ADIPOR2: variants seen among roughly 807,000 people sequenced by gnomAD.
ADIPOR2 encodes the protein adiponectin receptor protein 2.
ADIPOR2 carries 18 observed loss-of-function variants against 40.9 expected under a neutral mutation model. That is an observed-to-expected ratio of 0.44 (90% CI 0.30 to 0.65). The LOEUF is 0.65. Ranked by LOEUF, ADIPOR2 falls within the 30% of genes least tolerant of loss-of-function variation. The pLI, the probability that ADIPOR2 is intolerant of heterozygous loss-of-function variation, is 0.09. For synonymous variants in ADIPOR2, 165 were observed against 166.4 expected, an observed-to-expected ratio of 0.99 and a Z score of 0.06; for missense variants, 283 against 479.2, an observed-to-expected ratio of 0.59 and a Z score of 3.82.
chr12:1,718,252 T>C (rs1254420163), intron 1 of ADIPOR2, among the ~76,000 whole-genome samples: 2 of 152,158 alleles, frequency 1.3e-5, no homozygotes, highest in Admixed American at 6.6e-5. Context: ...GTGACTCTTA[T>C]TTTAATCTGA....
chr12:1,695,983 A>T (rs1386267228), intron 1 of ADIPOR2: 1 of 152,174 alleles, frequency 6.6e-6, no homozygotes. Flanking sequence ...TTATCTCTGG[A>T]TTTGGAAAAT....
intron 2 of ADIPOR2, 113 bp from the exon 3 acceptor site, chr12:1,772,729 A>G: frequency 7.6e-7 from 1 of 1,322,494 alleles, no homozygotes; most frequent in Non-Finnish European, 1.0e-6. Context: ...ATTCTTGTCT[A>G]AGGCCTTGTT....
intron 3 of ADIPOR2, among the ~76,000 whole-genome samples, chr12:1,777,058 C>T (rs896329992): frequency 4.6e-5 from 7 of 151,958 alleles, no homozygotes; most frequent in Admixed American, 1.3e-4. Flanking sequence ...ATCATATTTG[C>T]ATAGTGGGAA....
chr12:1,770,346 T>C (rs1313918167), intron 2 of ADIPOR2, among the ~76,000 whole-genome samples: 2 of 152,242 alleles, frequency 1.3e-5, no homozygotes, highest in Non-Finnish European at 2.9e-5. Flanking sequence ...TATGTACATA[T>C]CTGTAGTTTT....
chr12:1,710,807 G>C (rs1436827476), intron 1 of ADIPOR2, among the ~76,000 whole-genome samples: 3 of 152,092 alleles, frequency 2.0e-5, no homozygotes, highest in African/African-American at 7.3e-5. Context: ...AGGGGTCCTT[G>C]GTAGAAGTTG....
At chr12:1,740,080 C>T (rs568190035) in intron 1 of ADIPOR2, among the ~76,000 whole-genome samples, 108 of 151,432 alleles carry the variant, frequency 7.1e-4, no homozygotes, top group Non-Finnish European at 1.1e-3. Context: ...CCAGCCTGGG[C>T]GACAAGAGCG....
At position 1,711,613 on chromosome 12, in the gene ADIPOR2, C is replaced by CCT. The variant is rs3052417; in HGVS notation, c.-87+20449_-87+20450dup. Among the ~76,000 whole-genome samples the CCT allele has an allele frequency of 1.6e-4, 24 of 149,876 alleles. 1 individual carries two copies. Among genetic ancestry groups the CCT allele is most frequent in the African/African-American group, 5.7e-4 (23 of 40,194 alleles). On this transcript the variant is annotated intron_variant, in intron 1 of 7. Transcript: ENST00000357103. Reference sequence around the variant, plus strand: ...ATCTCTGTGTCTCTCTTTGTCTCTTCCTCTCTCTCTCTCTCTCTCTCTCTC... The same window carrying CCT: ...ATCTCTGTGTCTCTCTTTGTCTCTTCCTCTCTCTCTCTCTCTCTCTCTCTCTC...
intron 1 of ADIPOR2, among the ~76,000 whole-genome samples, chr12:1,709,766 A>G (rs1386102417): frequency 6.6e-6 from 1 of 152,216 alleles, no homozygotes; most frequent in Non-Finnish European, 1.5e-5. Context: ...ATTTTAAAGT[A>G]GAAAGTGCTT....
chr12:1,724,569 A>T (rs1343259004), intron 1 of ADIPOR2, among the ~76,000 whole-genome samples: 1 of 152,196 alleles, frequency 6.6e-6, no homozygotes, highest in Non-Finnish European at 1.5e-5. Context: ...AGATGGTTGT[A>T]AGGGTCACAC....
intron 7 of ADIPOR2, among the ~76,000 whole-genome samples, chr12:1,784,689 C>G (rs1862793390): frequency 6.6e-6 from 1 of 151,948 alleles, no homozygotes; most frequent in African/African-American, 2.4e-5. Context: ...CTGGATTGAA[C>G]TGGATTGTGG....
intron 1 of ADIPOR2, among the ~76,000 whole-genome samples, chr12:1,707,489 G>A: frequency 6.7e-6 from 1 of 149,330 alleles, no homozygotes. Context: ...TTTGTTTTTT[G>A]TTGTGAGACA....
chr12:1,783,150 T>TA (rs1404790467), intron 6 of ADIPOR2, among the ~76,000 whole-genome samples: 1 of 151,328 alleles, frequency 6.6e-6, no homozygotes, highest in African/African-American at 2.4e-5. Flanking sequence ...AGATTCCTAT[T>TA]AAAAATAGGT....
Position 1,780,982 on chromosome 12 carries a change from C to T in ADIPOR2, c.744C>T (p.Ile248=). 2 of 1,613,836 alleles carry T rather than the reference C, an allele frequency of 1.2e-6. No homozygotes were observed. Among genetic ancestry groups the T allele is most frequent in the Non-Finnish European group, 1.7e-6 (2 of 1,179,872 alleles). Reference sequence around the variant, plus strand: ...ACTGTAATCCACAACCTTGCTTCATCTACTTGATTGTCATCTGTGTGCTGG... The same window carrying T: ...ACTGTAATCCACAACCTTGCTTCATTTACTTGATTGTCATCTGTGTGCTGG... ...SFYCNPQPCF[I]YLIVICVLGI... is the part of the protein sequence containing the mutation. The change falls in exon 6 of 8, where the codon ATC becomes ATT. Residue 248 remains isoleucine (I), a synonymous_variant. Transcript: ENST00000357103.
chr12:1,699,603 A>G (rs1473999065), intron 1 of ADIPOR2, among the ~76,000 whole-genome samples: 1 of 152,242 alleles, frequency 6.6e-6, no homozygotes, highest in Non-Finnish European at 1.5e-5. Context: ...GTGAGCCGAG[A>G]TAGCACCATT....
chr12:1,695,193 T>G (rs1361967290), intron 1 of ADIPOR2, among the ~76,000 whole-genome samples: 1 of 151,938 alleles, frequency 6.6e-6, no homozygotes, highest in African/African-American at 2.4e-5. Context: ...GAGTTATTTT[T>G]TACAAAAATG....
At chr12:1,748,535 A>G (rs954056283) in intron 1 of ADIPOR2, among the ~76,000 whole-genome samples, 10 of 152,104 alleles carry the variant, frequency 6.6e-5, no homozygotes, top group Non-Finnish European at 1.2e-4. Context: ...GGCGTGAGCC[A>G]CCGTGCCTGG....
Position 1,706,742 on chromosome 12 carries a change from G to A in ADIPOR2, c.-87+15551G>A, listed in dbSNP as rs545256440. Among the ~76,000 whole-genome samples, 52 of 152,066 alleles carry A rather than the reference G, an allele frequency of 3.4e-4. No homozygotes were observed. In the South Asian group the frequency reaches 0.011, roughly 31 times the overall value. On this transcript the variant is annotated intron_variant, in intron 1 of 7. Transcript: ENST00000357103. Reference sequence around the variant, plus strand: ...TTCTGTTATCTCCAAAACCTTCCTCGTGTCCCTCACAGTCAGTGCACCACA... The same window carrying A: ...TTCTGTTATCTCCAAAACCTTCCTCATGTCCCTCACAGTCAGTGCACCACA...
At chr12:1,742,961 T>G (rs1424810985) in intron 1 of ADIPOR2, among the ~76,000 whole-genome samples, 2 of 152,180 alleles carry the variant, frequency 1.3e-5, no homozygotes, top group Non-Finnish European at 2.9e-5. Context: ...TTTTATTTTT[T>G]TGTTTGTGAA....
At chr12:1,702,148 C>T (rs1485430857) in intron 1 of ADIPOR2, among the ~76,000 whole-genome samples, 2 of 145,868 alleles carry the variant, frequency 1.4e-5, no homozygotes, top group East Asian at 4.1e-4. Flanking sequence ...ACAGAAAAAA[C>T]CCCACATGTC....
Sources: gnomAD v4.1 joint callset for allele counts (sites outside exome capture counted in the v4.1 genomes callset) on GRCh38, gnomAD v4.1.1 for gene constraint, MANE v1.5 for transcripts, NCBI Gene and HGNC (gene_info 2026-07-23, HGNC 2026-07-21) for gene names.